TMEM163: variants seen among roughly 807,000 people sequenced by gnomAD.
TMEM163 encodes transmembrane protein 163.
A neutral mutation model predicts 29.3 loss-of-function variants in TMEM163; 17 were observed. The observed-to-expected ratio is 0.58, with a 90% CI of 0.40 to 0.87. TMEM163 has a LOEUF of 0.87. TMEM163 is among the 40% of genes least tolerant of loss of function. The pLI, the probability that TMEM163 is intolerant of heterozygous loss-of-function variation, is 0.00. For missense variants in TMEM163, 303 were observed against 381.5 expected, an observed-to-expected ratio of 0.79 and a Z score of 1.71; for synonymous variants, 157 against 160.6, an observed-to-expected ratio of 0.98 and a Z score of 0.17.
intron 2 of TMEM163, among the ~76,000 whole-genome samples, chr2:134,582,951 GA>G (rs2104795756): frequency 6.6e-6 from 1 of 152,268 alleles, no homozygotes; most frequent in South Asian, 2.1e-4. Flanking sequence ...TATATGCTAA[GA>G]GATCTCTACT....
intron 2 of TMEM163, among the ~76,000 whole-genome samples, chr2:134,571,288 C>A (rs151130979): frequency 9.9e-5 from 15 of 152,112 alleles, no homozygotes; most frequent in Non-Finnish European, 1.8e-4. Flanking sequence ...TTTCCATTGA[C>A]CCTTTCTTGC....
At chr2:134,638,154 A>G (rs1415983204) in intron 2 of TMEM163, among the ~76,000 whole-genome samples, 1 of 152,238 alleles carries the variant, frequency 6.6e-6, no homozygotes, top group Non-Finnish European at 1.5e-5. Context: ...TTTGTTCCGT[A>G]TCAGCAAATA....
At chr2:134,691,615 C>T (rs535494556) in intron 2 of TMEM163, among the ~76,000 whole-genome samples, 2 of 152,320 alleles carry the variant, frequency 1.3e-5, no homozygotes, top group South Asian at 2.1e-4. Context: ...CCCTAGGTGC[C>T]GCCAGGCTTC....
At chr2:134,575,353 T>C (rs1681528664) in intron 2 of TMEM163, among the ~76,000 whole-genome samples, 1 of 152,114 alleles carries the variant, frequency 6.6e-6, no homozygotes, top group Non-Finnish European at 1.5e-5. Flanking sequence ...TGCCCACCAT[T>C]CCTGCTGCTG....
At chr2:134,630,169 T>G (rs61382781) in intron 2 of TMEM163, among the ~76,000 whole-genome samples, 6,605 of 152,034 alleles carry the variant, frequency 0.043, 475 homozygotes, top group African/African-American at 0.15. Flanking sequence ...GCACCTAACC[T>G]CCCTGATCCT....
chr2:134,560,980 A>C (rs1251657426), intron 2 of TMEM163, among the ~76,000 whole-genome samples: 1 of 152,178 alleles, frequency 6.6e-6, no homozygotes, highest in Non-Finnish European at 1.5e-5. Flanking sequence ...TTTAATGACA[A>C]AACTTCCTCA....
At chr2:134,693,207 C>A (rs1684506827) in intron 2 of TMEM163, among the ~76,000 whole-genome samples, 1 of 152,166 alleles carries the variant, frequency 6.6e-6, no homozygotes, top group South Asian at 2.1e-4. Context: ...CATCCAGAAA[C>A]CTTGAGTATT....
intron 2 of TMEM163, among the ~76,000 whole-genome samples, chr2:134,695,352 C>T (rs1483738226): frequency 1.3e-5 from 2 of 151,940 alleles, no homozygotes; most frequent in Non-Finnish European, 2.9e-5. Flanking sequence ...GCTGGGATTA[C>T]AGGCGTGAGC....
chr2:134,572,356 A>G (rs550171899), intron 2 of TMEM163, among the ~76,000 whole-genome samples: 1 of 152,332 alleles, frequency 6.6e-6, no homozygotes, highest in East Asian at 1.9e-4. Context: ...CCATGGCAAC[A>G]TTAATTACAT....
chr2:134,461,888 C>T (rs1203407297), intron 6 of TMEM163, among the ~76,000 whole-genome samples: 9 of 152,220 alleles, frequency 5.9e-5, no homozygotes, highest in African/African-American at 1.4e-4. Flanking sequence ...GAACCCCCAA[C>T]GTTCATGACA....
chr2:134,660,073 G>A (rs549477132), intron 2 of TMEM163, among the ~76,000 whole-genome samples: 8 of 152,182 alleles, frequency 5.3e-5, no homozygotes, highest in East Asian at 1.9e-4. Context: ...GGACATGAGC[G>A]GGGATCATGG....
intron 2 of TMEM163, among the ~76,000 whole-genome samples, chr2:134,621,687 G>A (rs1030954875): frequency 2.0e-5 from 3 of 151,594 alleles, no homozygotes; most frequent in East Asian, 3.9e-4. Context: ...TCAGGAGATC[G>A]AGACCATCCT....
intron 2 of TMEM163, among the ~76,000 whole-genome samples, chr2:134,698,649 TTTTG>T (rs1478302890): frequency 6.6e-6 from 1 of 152,130 alleles, no homozygotes; most frequent in Non-Finnish European, 1.5e-5. Context: ...TTTTGGACAG[TTTTG>T]TTTATCAACT....
intron 3 of TMEM163, among the ~76,000 whole-genome samples, chr2:134,551,453 G>A (rs914085488): frequency 3.9e-5 from 6 of 152,118 alleles, no homozygotes; most frequent in South Asian, 4.1e-4. Context: ...GCTACGCGGC[G>A]GGGGTTGAGA....
At chr2:134,565,693 A>G in intron 2 of TMEM163, among the ~76,000 whole-genome samples, 1 of 152,210 alleles carries the variant, frequency 6.6e-6, no homozygotes, top group Admixed American at 6.5e-5. Flanking sequence ...TAATTGCCAA[A>G]ACTGGAAACA....
chr2:134,495,090 T>C (rs1299308339), intron 5 of TMEM163, among the ~76,000 whole-genome samples: 1 of 152,162 alleles, frequency 6.6e-6, no homozygotes, highest in African/African-American at 2.4e-5. Flanking sequence ...GGAATTGAAC[T>C]TGGATGTGTC....
At chr2:134,493,321 C>T (rs1679470128) in intron 5 of TMEM163, among the ~76,000 whole-genome samples, 3 of 140,752 alleles carry the variant, frequency 2.1e-5, no homozygotes, top group Admixed American at 2.1e-4. Flanking sequence ...TGATGAAGTC[C>T]AATTTTCAAT....
chr2:134,623,099 T>G (rs554776239), intron 2 of TMEM163, among the ~76,000 whole-genome samples: 1 of 152,330 alleles, frequency 6.6e-6, no homozygotes, highest in African/African-American at 2.4e-5. Context: ...CTAAGGATTT[T>G]CAGTGGACAG....
chr2:134,457,058 C>T (rs988145484), intron 7 of TMEM163, among the ~76,000 whole-genome samples: 7 of 152,146 alleles, frequency 4.6e-5, no homozygotes, highest in Middle Eastern at 3.4e-3. Flanking sequence ...AATCACATAA[C>T]GTGGCCTTTT....
Sources: allele counts gnomAD v4.1 joint callset (sites outside exome capture counted in the v4.1 genomes callset), GRCh38; gene constraint gnomAD v4.1.1; transcripts MANE v1.5; gene names NCBI Gene and HGNC (gene_info 2026-07-23, HGNC 2026-07-21).